Variants in POM121C observed in about 807,000 individuals in gnomAD.
POM121C encodes POM121 transmembrane nucleoporin C.
Under a neutral mutation model 66.4 loss-of-function variants are expected in POM121C, and 20 were observed. The ratio of observed to expected loss-of-function variants is 0.30; its 90% CI spans 0.21 to 0.44. POM121C has a LOEUF of 0.44. Ranked by LOEUF, POM121C falls within the 20% of genes least tolerant of loss-of-function variation. POM121C has a pLI of 1.00. For missense variants in POM121C, 580 were observed against 1,225.7 expected, an observed-to-expected ratio of 0.47 and a Z score of 7.87; for synonymous variants, 286 against 528.0, an observed-to-expected ratio of 0.54 and a Z score of 6.28.
rs1224730245 is a variant in POM121C at position 75,461,635 on chromosome 7, T to C, written c.-152+13069A>G. Among the ~76,000 whole-genome samples, 3 of 151,984 alleles carry C rather than the reference T, an allele frequency of 2.0e-5. 1 individual carries two copies. The highest frequency in any genetic ancestry group is 7.3e-5 in the African/African-American group (3 of 41,328). ...CATGTTGGCCAGGCTGGTCTCAAAC[T>C]CCTGACCTCAGGTGATCTACCTGCC... is the stretch of plus-strand genomic sequence containing the variant. On this transcript the variant is annotated intron_variant, in intron 3 of 14. Coordinates refer to ENST00000615331, the MANE Select transcript of POM121C (RefSeq NM_001099415.3).
chr7:75,435,384 C>A (rs1790364519), intron 7 of POM121C, among the ~76,000 whole-genome samples: 1 of 151,738 alleles, frequency 6.6e-6, no homozygotes. Flanking sequence ...AAAGGATAAT[C>A]AAAAAATAAT....
In POM121C at chr7:75,442,242, G is replaced by A. The variant is rs1554474147; in HGVS notation, c.-151-595C>T. ...GTCGGCTGGGAGGGCGGTGTGGAGC[G>A]CGGCGCCGGGCGGGCGGGTGGGCGG... is the stretch of plus-strand genomic sequence containing the variant. On this transcript the variant is annotated intron_variant, in intron 3 of 14. Coordinates refer to ENST00000615331, the MANE Select transcript of POM121C (RefSeq NM_001099415.3). 17 of 1,403,530 alleles carry A rather than the reference G, an allele frequency of 1.2e-5. No individual in the cohort carries two copies. In the South Asian group the frequency reaches 2.5e-4, roughly 21 times the overall value. 86.9% of individuals were successfully genotyped at this position (1,403,530 alleles called of 1,614,324 possible).
intron 3 of POM121C, among the ~76,000 whole-genome samples, chr7:75,471,897 G>GT (rs1554478698): frequency 6.6e-6 from 1 of 151,952 alleles, no homozygotes; most frequent in East Asian, 1.9e-4. Context: ...TTACGTTTTT[G>GT]TTTTTTGAGA....
At chr7:75,426,922 T>TA (rs1789964794) in intron 7 of POM121C, among the ~76,000 whole-genome samples, 1 of 146,600 alleles carries the variant, frequency 6.8e-6, no homozygotes, top group South Asian at 2.2e-4. Flanking sequence ...GAAAAGTCTA[T>TA]AAAAGTAATG....
At chr7:75,428,300 C>T (rs1411464154) in intron 7 of POM121C, among the ~76,000 whole-genome samples, 2 of 152,138 alleles carry the variant, frequency 1.3e-5, no homozygotes, top group African/African-American at 4.8e-5. Flanking sequence ...CCACCACAGC[C>T]GGCTAATTTT....
At chr7:75,472,047 G>A (rs1449030571) in intron 3 of POM121C, among the ~76,000 whole-genome samples, 8 of 151,768 alleles carry the variant, frequency 5.3e-5, no homozygotes, top group Non-Finnish European at 8.8e-5. Flanking sequence ...CACCACGCCC[G>A]GCTAATTTTT....
At position 75,441,419 on chromosome 7, in the gene POM121C, C is replaced by T. The variant is rs782178384; in HGVS notation, c.65+13G>A. 22 of 1,613,380 alleles carry T rather than the reference C, an allele frequency of 1.4e-5. No homozygotes were observed. Among genetic ancestry groups the T allele is most frequent in the East Asian group, 2.2e-5 (1 of 44,904 alleles). On this transcript the variant is annotated intron_variant, in intron 4 of 14. Coordinates refer to ENST00000615331, the MANE Select transcript of POM121C (RefSeq NM_001099415.3). ...ACGAAAAGGGAGAGTATTCTTCCAA[C>T]GATAATACTCACATCGCAGAACGTG...
intron 1 of POM121C, among the ~76,000 whole-genome samples, chr7:75,477,146 A>AG: frequency 1.1e-5 from 1 of 92,314 alleles, no homozygotes; most frequent in South Asian, 3.3e-4. Flanking sequence ...CTTATGCCTC[A>AG]GTCTTCTCGG....
intron 10 of POM121C, 170 bp downstream of exon 10, chr7:75,424,904 T>C: frequency 7.0e-7 from 1 of 1,433,926 alleles, no homozygotes; most frequent in South Asian, 1.5e-5. Context: ...AGGTTACGGT[T>C]AGCCAAAATC....
chr7:75,473,634 A>AT (rs781900477), intron 3 of POM121C, among the ~76,000 whole-genome samples: 13 of 152,172 alleles, frequency 8.5e-5, no homozygotes, highest in Non-Finnish European at 8.8e-5. Context: ...AAAGAAATAA[A>AT]TAAAATCGAG....
In POM121C at chr7:75,449,513, C is replaced by T. The variant is rs587676619; in HGVS notation, c.-151-7866G>A. Among the ~76,000 whole-genome samples the T allele has an allele frequency of 2.2e-4, 34 of 152,094 alleles. 1 individual carries two copies. Among genetic ancestry groups the T allele is most frequent in the South Asian group, 2.1e-3 (10 of 4,796 alleles). ...CCGAGTAGCTGAGACTATAGGCGCC[C>T]GCTGCCACGCCTGGCTAATTTTTTT... On this transcript the variant is annotated intron_variant, in intron 3 of 14. Transcript: ENST00000615331.
At chr7:75,477,252 TAGAGA>T (rs1554479525) in intron 1 of POM121C, among the ~76,000 whole-genome samples, 1 of 151,902 alleles carries the variant, frequency 6.6e-6, no homozygotes, top group Non-Finnish European at 1.5e-5. Flanking sequence ...TATCTACAAT[TAGAGA>T]AGAGAAAACA....
rs782361969 is a variant in POM121C, at chr7:75,439,136, G to A, written c.308+8C>T. 1.8e-5 allele frequency: 29 copies of A among 1,614,034 alleles called. 1 individual carries two copies. The highest frequency in any genetic ancestry group is 4.4e-5 in the South Asian group (4 of 91,080). On this transcript the variant is annotated splice_region_variant and intron_variant, in intron 6 of 14. Coordinates refer to ENST00000615331, the MANE Select transcript of POM121C (RefSeq NM_001099415.3). ...GTTGGTATTTCATCTGGATGGACTC[G>A]CACTTACTTAGGCACAAAAGAAGCG...
At chr7:75,484,612 T>A (rs1251873555) in intron 1 of POM121C, among the ~76,000 whole-genome samples, 2 of 133,512 alleles carry the variant, frequency 1.5e-5, no homozygotes, top group Non-Finnish European at 3.1e-5. Flanking sequence ...GAAGTTGCAG[T>A]GAGCCGAGAC....
intron 5 of POM121C, among the ~76,000 whole-genome samples, chr7:75,439,956 C>T (rs1489131290): frequency 6.6e-6 from 1 of 150,422 alleles, no homozygotes; most frequent in Non-Finnish European, 1.5e-5. Context: ...TCTCGGCTCG[C>T]TGCAACCTCC....
intron 6 of POM121C, 146 bp from the exon 7 acceptor site, chr7:75,437,832 T>A (rs1554473233): frequency 7.4e-7 from 1 of 1,355,696 alleles, no homozygotes; most frequent in African/African-American, 1.5e-5. Flanking sequence ...GCCAAATCTA[T>A]CTGACAAAGT....
In POM121C at chr7:75,473,875, A is replaced by G. The variant is rs1336779204; in HGVS notation, c.-152+829T>C. Among the ~76,000 whole-genome samples, 99 of 151,878 alleles carry G rather than the reference A, an allele frequency of 6.5e-4. 1 individual carries two copies. The highest frequency in any genetic ancestry group is 2.0e-3 in the Admixed American group (31 of 15,242). On this transcript the variant is annotated intron_variant, in intron 3 of 14. Coordinates refer to ENST00000615331, the MANE Select transcript of POM121C (RefSeq NM_001099415.3). ...GGCTAATTTTTTGTATTTTTAGTAGAGACGGGGTTTCACCGTTTTAGCCGG... is the reference window on the plus strand; with the variant it reads ...GGCTAATTTTTTGTATTTTTAGTAGGGACGGGGTTTCACCGTTTTAGCCGG...
chr7:75,457,760 T>C (rs2116468900), intron 3 of POM121C, among the ~76,000 whole-genome samples: 1 of 152,336 alleles, frequency 6.6e-6, no homozygotes, highest in Admixed American at 6.5e-5. Context: ...CATTTCCCGT[T>C]CCCCGTCCCA....
chr7:75,461,842 TC>T (rs1224199831), intron 3 of POM121C, among the ~76,000 whole-genome samples: 1 of 151,748 alleles, frequency 6.6e-6, no homozygotes, highest in Non-Finnish European at 1.5e-5. Flanking sequence ...TAAATACACT[TC>T]TAAATAATTC....
Sources: allele counts gnomAD v4.1 joint callset (sites outside exome capture counted in the v4.1 genomes callset), GRCh38; gene constraint gnomAD v4.1.1; transcripts MANE v1.5; gene names NCBI Gene and HGNC (gene_info 2026-07-23, HGNC 2026-07-21).